NDUFA10: variants seen among roughly 807,000 people sequenced by gnomAD.
NDUFA10 encodes NADH dehydrogenase [ubiquinone] 1 alpha subcomplex subunit 10, mitochondrial.
Under a neutral mutation model 47.8 loss-of-function variants are expected in NDUFA10, and 40 were observed. That is an observed-to-expected ratio of 0.84 (90% CI 0.65 to 1.09). The LOEUF (loss-of-function observed/expected upper bound fraction) is 1.09, where lower values mean the gene tolerates loss of function less well. Ranked by LOEUF, NDUFA10 falls within the 50% of genes least tolerant of loss-of-function variation. The probability of loss-of-function intolerance (pLI) is 0.00; values close to 1 mark genes in which losing one functional copy is unlikely to be tolerated. For missense variants in NDUFA10, 413 were observed against 451.1 expected, an observed-to-expected ratio of 0.92 and a Z score of 0.76; for synonymous variants, 183 against 172.2, an observed-to-expected ratio of 1.06 and a Z score of -0.49.
At chr2:239,956,669 C>T (rs550011240), downstream of NDUFA10, among the ~76,000 whole-genome samples, 19 of 152,316 alleles carry the variant, frequency 1.2e-4, no homozygotes, top group East Asian at 3.7e-3. Context: ...TCACAGCCAC[C>T]TTTCTGTTCG....
chr2:239,960,732 G>A lies in NDUFA10; in HGVS notation c.*386C>T. On this transcript the variant is annotated 3_prime_UTR_variant, in exon 10 of 10. Coordinates refer to ENST00000252711, the MANE Select transcript of NDUFA10 (RefSeq NM_004544.4). ...GCCCGCACGCACATAGACGTACGATGGGGAAATTCCCATGGAAACACTTTT... is the reference window on the plus strand; with the variant it reads ...GCCCGCACGCACATAGACGTACGATAGGGAAATTCCCATGGAAACACTTTT... 3 of 1,189,552 alleles carry A rather than the reference G, an allele frequency of 2.5e-6. No individual in the cohort carries two copies. Among genetic ancestry groups the A allele is most frequent in the Non-Finnish European group, 3.2e-6 (3 of 943,998 alleles). 73.7% of individuals were successfully genotyped at this position (1,189,552 alleles called of 1,614,324 possible).
intron 9 of NDUFA10, among the ~76,000 whole-genome samples, chr2:239,975,721 C>G (rs1695490992): frequency 6.6e-6 from 1 of 152,122 alleles, no homozygotes; most frequent in Admixed American, 6.5e-5. Flanking sequence ...CCTATTCAGC[C>G]CATGACACTC....
chr2:239,987,862 C>A lies in NDUFA10; in HGVS notation c.999+2212G>T, dbSNP rs1696067931. On this transcript the variant is annotated intron_variant, in intron 9 of 9. Coordinates refer to ENST00000252711, the MANE Select transcript of NDUFA10 (RefSeq NM_004544.4). This position sits in a 1 kb window ranked among gnomAD's most constrained non-coding sequence, Gnocchi z 4.8. ...TGCGAGTGGGTACTCTGCTCTGGAA[C>A]TGGAAAGCTAATTGATCTTCAACAT... Among the ~76,000 whole-genome samples, 1 of 151,980 alleles carries A rather than the reference C, an allele frequency of 6.6e-6. No homozygotes were observed. Among genetic ancestry groups the A allele is most frequent in the South Asian group, 2.1e-4 (1 of 4,814 alleles).
At chr2:239,917,612 A>G (rs1319945482) in intron 4 of NDUFA10, among the ~76,000 whole-genome samples, 1 of 152,232 alleles carries the variant, frequency 6.6e-6, no homozygotes, top group East Asian at 1.9e-4. Context: ...GTCATGTGTA[A>G]TCCTGAGTTA....
At chr2:239,954,329 G>C (rs1418134717), downstream of NDUFA10, among the ~76,000 whole-genome samples, 1 of 152,158 alleles carries the variant, frequency 6.6e-6, no homozygotes, top group African/African-American at 2.4e-5. Context: ...AGGACCGTGA[G>C]AGTGGGTTCC....
Position 239,987,594 on chromosome 2 carries a change from T to G in NDUFA10, c.999+2480A>C, listed in dbSNP as rs1696052320. Among the ~76,000 whole-genome samples the G allele has an allele frequency of 6.6e-6, 1 of 151,832 alleles. No homozygotes were observed. Among genetic ancestry groups the G allele is most frequent in the Non-Finnish European group, 1.5e-5 (1 of 67,958 alleles). On this transcript the variant is annotated intron_variant, in intron 9 of 9. Transcript: ENST00000252711. The surrounding 1 kb of genome is among the most constrained non-coding windows in gnomAD (Gnocchi z 4.8). ...ACTACCCAAACTAAAAAAAAACAAA[T>G]AGGTAAAAATGATGATCAAATAAAG... is the stretch of plus-strand genomic sequence containing the variant.
At chr2:239,950,122 G>T (rs960016427) in intron 4 of NDUFA10, among the ~76,000 whole-genome samples, 1 of 152,166 alleles carries the variant, frequency 6.6e-6, no homozygotes, top group Non-Finnish European at 1.5e-5. Context: ...GTGGGCTCAC[G>T]AAGTGGTGGC....
At chr2:240,022,799 C>T (rs1361941349) in intron 1 of NDUFA10, among the ~76,000 whole-genome samples, 1 of 152,164 alleles carries the variant, frequency 6.6e-6, no homozygotes, top group African/African-American at 2.4e-5. Context: ...GCCTATTAAA[C>T]AGCTCCACCT....
intron 4 of NDUFA10, among the ~76,000 whole-genome samples, chr2:239,904,591 A>T (rs747581329): frequency 1.7e-4 from 26 of 152,190 alleles, no homozygotes; most frequent in Non-Finnish European, 8.8e-5. Flanking sequence ...CACCATGCCC[A>T]GCCCCTGCTT....
intron 4 of NDUFA10, among the ~76,000 whole-genome samples, chr2:239,924,112 A>G (rs1694033226): frequency 6.6e-6 from 1 of 152,176 alleles, no homozygotes; most frequent in Non-Finnish European, 1.5e-5. Flanking sequence ...GGAGAATTCT[A>G]CCAAACATTC....
chr2:239,925,014 G>C, intron 4 of NDUFA10, among the ~76,000 whole-genome samples: 1 of 152,108 alleles, frequency 6.6e-6, no homozygotes, highest in Non-Finnish European at 1.5e-5. Context: ...TGCAGGATCT[G>C]TATGTTGAAA....
At position 240,019,818 on chromosome 2, in the gene NDUFA10, CAAAAAAAAAAAAAAA is replaced by C. The variant is rs60278142; in HGVS notation, c.461-1194_461-1180del. Among the ~76,000 whole-genome samples the C allele has an allele frequency of 3.3e-4, 4 of 12,222 alleles. 1 individual carries two copies. Among genetic ancestry groups the C allele is most frequent in the South Asian group, 2.8e-3 (1 of 358 alleles). 8.0% of individuals were successfully genotyped at this position (12,222 alleles called of 152,430 possible). On this transcript the variant is annotated intron_variant, in intron 3 of 9. Transcript: ENST00000252711. Reference sequence around the variant, plus strand: ...TGGGCGACAGAGCGAGACTCCGTCTCAAAAAAAAAAAAAAAAAAAAAAAAAAAAAAAGAACGTGGA... The same window carrying C: ...TGGGCGACAGAGCGAGACTCCGTCTCAAAAAAAAAAAAAAAAGAACGTGGA...
chr2:239,962,123 C>T (rs75460832), intron 9 of NDUFA10, among the ~76,000 whole-genome samples: 9,851 of 152,086 alleles, frequency 0.065, 1,056 homozygotes, highest in African/African-American at 0.22. Flanking sequence ...GCGCTCAGCA[C>T]GGTGTGTGTC....
At chr2:239,926,747 G>A (rs1694073934) in intron 4 of NDUFA10, among the ~76,000 whole-genome samples, 1 of 152,138 alleles carries the variant, frequency 6.6e-6, no homozygotes. Flanking sequence ...AGTGGGACAG[G>A]AGGTGGAGGT....
chr2:239,979,537 C>T (rs985865025), intron 9 of NDUFA10, among the ~76,000 whole-genome samples: 2 of 152,164 alleles, frequency 1.3e-5, no homozygotes, highest in Non-Finnish European at 2.9e-5. Flanking sequence ...AAGCAAGAAG[C>T]AACTTGGCTG....
At chr2:239,995,080 G>C (rs1200185998) in intron 8 of NDUFA10, among the ~76,000 whole-genome samples, 1 of 152,234 alleles carries the variant, frequency 6.6e-6, no homozygotes, top group East Asian at 1.9e-4. Flanking sequence ...TTTGTGACTA[G>C]GTGGGCAACA....
intron 4 of NDUFA10, among the ~76,000 whole-genome samples, chr2:239,913,372 CTGAGGACATGA>C (rs1184655625): frequency 6.6e-6 from 1 of 152,254 alleles, no homozygotes; most frequent in Non-Finnish European, 1.5e-5. Flanking sequence ...CCCACGCAAC[CTGAGGACATGA>C]CGGGTCCTAC....
intron 4 of NDUFA10, among the ~76,000 whole-genome samples, chr2:239,910,689 C>T (rs968643628): frequency 3.9e-5 from 6 of 152,036 alleles, no homozygotes; most frequent in Non-Finnish European, 8.8e-5. Flanking sequence ...CAAACCCACA[C>T]GCCCCGCACC....
At chr2:240,014,661 T>C (rs1398583168) in intron 5 of NDUFA10, 78 bp downstream of exon 5, 10 of 1,594,012 alleles carry the variant, frequency 6.3e-6, no homozygotes, top group South Asian at 1.1e-5. Context: ...TTAGTATAAA[T>C]GCTATTAAAA....
Sources: gnomAD v4.1 joint callset for allele counts (sites outside exome capture counted in the v4.1 genomes callset) on GRCh38, gnomAD v4.1.1 for gene constraint, Gnocchi (gnomAD v3.1) non-coding constraint, MANE v1.5 for transcripts, NCBI Gene and HGNC (gene_info 2026-07-23, HGNC 2026-07-21) for gene names.